The following XKR5 variants were observed in gnomAD, a reference collection of about 807,000 sequenced individuals.
XKR5 encodes XK-related protein 5.
Under a neutral mutation model 40.8 loss-of-function variants are expected in XKR5, and 46 were observed. The ratio of observed to expected loss-of-function variants is 1.13; its 90% CI spans 0.89 to 1.44. The LOEUF (loss-of-function observed/expected upper bound fraction) is 1.44. XKR5 is among the 40% of genes most tolerant of loss of function. The pLI is 0.00. For missense variants in XKR5, 1,169 were observed against 844.7 expected (o/e 1.38, Z -4.76); for synonymous variants, 466 against 356.1 (o/e 1.31, Z -3.48).
rs887130694 is a variant in XKR5 at position 6,811,423 on chromosome 8, G to C, written c.1836C>G (p.Pro612=). 171 of 1,536,992 alleles carry C rather than the reference G, an allele frequency of 1.1e-4. No homozygotes were observed. Among genetic ancestry groups the C allele is most frequent in the Non-Finnish European group, 1.3e-4 (152 of 1,146,818 alleles). ...LGTGPCRGFC[P]SAGFPGRTLS... ...GGGTTCTTCCAGGGAAGCCTGCACT[G>C]GGGCAGAAGCCTCTACATGGGCCTG... The change falls in exon 7 of 7, where the codon CCC becomes CCG. Residue 612 remains proline, a synonymous_variant. Coordinates refer to ENST00000618742, the MANE Select transcript of XKR5 (RefSeq NM_207411.5).
intron 2 of XKR5, among the ~76,000 whole-genome samples, chr8:6,827,044 A>T (rs750803340): frequency 2.0e-5 from 3 of 152,178 alleles, no homozygotes; most frequent in Non-Finnish European, 4.4e-5. Context: ...TTCATCTCAT[A>T]AGTAGAAAGT....
intron 6 of XKR5, among the ~76,000 whole-genome samples, chr8:6,814,528 G>T (rs1047675096): frequency 6.6e-6 from 1 of 152,152 alleles, no homozygotes; most frequent in Admixed American, 6.5e-5. Flanking sequence ...GTGATGGAAG[G>T]GTTCTCCCTG....
intron 1 of XKR5, 145 bp from the exon 2 acceptor site, chr8:6,833,045 C>T: frequency 1.3e-6 from 1 of 747,682 alleles, no homozygotes; most frequent in Non-Finnish European, 2.0e-6. Context: ...ACTGTCCCTC[C>T]CAAGGCTAGC....
intron 1 of XKR5, among the ~76,000 whole-genome samples, 185 bp from the exon 2 acceptor site, chr8:6,833,085 A>G: frequency 6.6e-6 from 1 of 152,208 alleles, no homozygotes; most frequent in East Asian, 1.9e-4. Context: ...GGGCCCAGCC[A>G]GGAGCTTGCC....
intron 1 of XKR5, among the ~76,000 whole-genome samples, chr8:6,833,915 G>A (rs1226663214): frequency 6.6e-6 from 1 of 152,198 alleles, no homozygotes; most frequent in African/African-American, 2.4e-5. Flanking sequence ...CCTCGAGAAC[G>A]ATGAAACCTC....
At chr8:6,814,016 C>T (rs867062518) in intron 6 of XKR5, among the ~76,000 whole-genome samples, 5 of 152,194 alleles carry the variant, frequency 3.3e-5, no homozygotes, top group African/African-American at 9.7e-5. Context: ...TTAGACCTCC[C>T]GGCCGGCAAG....
At chr8:6,818,710 G>T (rs1417156159) in intron 5 of XKR5, among the ~76,000 whole-genome samples, 3 of 152,168 alleles carry the variant, frequency 2.0e-5, no homozygotes, top group Admixed American at 2.0e-4. Context: ...CTCTGAGGGG[G>T]AGCCTGGGAA....
At chr8:6,821,791 C>CA in intron 5 of XKR5, 78 bp downstream of exon 5, 1 of 1,322,550 alleles carries the variant, frequency 7.6e-7, no homozygotes, top group Non-Finnish European at 1.0e-6. Context: ...CACACACACA[C>CA]ACCCCCCACA....
chr8:6,830,397 T>A lies in XKR5; in HGVS notation c.242+2320A>T, dbSNP rs556612525. ...TGCTAGTTTCAGGATGAGGAATGGA[T>A]CCACTGCTGTCTATTTTAACTTTCA... On this transcript the variant is annotated intron_variant, in intron 2 of 6. Coordinates refer to ENST00000618742, the MANE Select transcript of XKR5 (RefSeq NM_207411.5). Among the ~76,000 whole-genome samples, 6 of 152,334 alleles carry A rather than the reference T, an allele frequency of 3.9e-5. No individual in the cohort carries two copies. In the East Asian group the frequency reaches 1.2e-3, roughly 29 times the overall value.
chr8:6,828,433 C>A (rs1180543092), intron 2 of XKR5, among the ~76,000 whole-genome samples: 2 of 152,170 alleles, frequency 1.3e-5, no homozygotes, highest in Admixed American at 6.5e-5. Flanking sequence ...TGTGGGGCTA[C>A]TCTTGTAAGA....
intron 5 of XKR5, among the ~76,000 whole-genome samples, chr8:6,819,409 C>A (rs1397865562): frequency 6.6e-6 from 1 of 152,230 alleles, no homozygotes; most frequent in Non-Finnish European, 1.5e-5. Flanking sequence ...CCTCAGGCTT[C>A]CAAGATCACA....
chr8:6,825,037 T>A (rs1804397521), intron 3 of XKR5, 128 bp downstream of exon 3: 1 of 1,070,644 alleles, frequency 9.3e-7, no homozygotes. Flanking sequence ...TCTGTGCCAG[T>A]GAGCTCAAGG....
chr8:6,829,626 A>G (rs1476730534), intron 2 of XKR5, among the ~76,000 whole-genome samples: 3 of 152,076 alleles, frequency 2.0e-5, no homozygotes, highest in Admixed American at 6.6e-5. Flanking sequence ...AGCGATTCTC[A>G]TGCTTCAGTC....
At chr8:6,828,810 G>T (rs982806070) in intron 2 of XKR5, among the ~76,000 whole-genome samples, 4 of 152,160 alleles carry the variant, frequency 2.6e-5, no homozygotes, top group African/African-American at 9.7e-5. Flanking sequence ...GGTCTCCAAT[G>T]CCTGAGGATA....
At chr8:6,826,668 T>A (rs1387926850) in intron 2 of XKR5, among the ~76,000 whole-genome samples, 2 of 152,074 alleles carry the variant, frequency 1.3e-5, no homozygotes, top group African/African-American at 2.4e-5. Flanking sequence ...GGAGCCCCCA[T>A]AAGGAGAGAT....
At chr8:6,813,145 C>T (rs929740698) in intron 6 of XKR5, among the ~76,000 whole-genome samples, 3 of 152,182 alleles carry the variant, frequency 2.0e-5, no homozygotes, top group African/African-American at 4.8e-5. Flanking sequence ...GAAGGACATC[C>T]CCAGCCCCAA....
chr8:6,829,609 A>G (rs1156599958), intron 2 of XKR5, among the ~76,000 whole-genome samples: 1 of 152,154 alleles, frequency 6.6e-6, no homozygotes, highest in Non-Finnish European at 1.5e-5. Flanking sequence ...TCTACTTCCC[A>G]GGTTCAAGCG....
At chr8:6,830,329 A>C (rs1041802117) in intron 2 of XKR5, among the ~76,000 whole-genome samples, 2 of 152,296 alleles carry the variant, frequency 1.3e-5, no homozygotes, top group Middle Eastern at 3.4e-3. Context: ...GGATTGCCTC[A>C]CTAAAAATAC....
chr8:6,819,389 T>C (rs940465364), intron 5 of XKR5, among the ~76,000 whole-genome samples: 1 of 152,244 alleles, frequency 6.6e-6, no homozygotes, highest in Admixed American at 6.5e-5. Flanking sequence ...GTCTGTCCAC[T>C]GCACTGTGGC....
Sources: gnomAD v4.1 joint callset for allele counts (sites outside exome capture counted in the v4.1 genomes callset) on GRCh38, gnomAD v4.1.1 for gene constraint, MANE v1.5 for transcripts, NCBI Gene and HGNC (gene_info 2026-07-23, HGNC 2026-07-21) for gene names.